The following OSBPL6 variants were observed in gnomAD, a reference collection of about 807,000 sequenced individuals.
OSBPL6 encodes oxysterol-binding protein-related protein 6.
A neutral mutation model predicts 125.8 loss-of-function variants in OSBPL6; 49 were observed. The ratio of observed to expected loss-of-function variants is 0.39; its 90% CI spans 0.31 to 0.49. The LOEUF is 0.49. Ranked by LOEUF, OSBPL6 falls within the 20% of genes least tolerant of loss-of-function variation. The pLI, the probability that OSBPL6 is intolerant of heterozygous loss-of-function variation, is 0.88. For synonymous variants in OSBPL6, 394 were observed against 391.8 expected, an observed-to-expected ratio of 1.01 and a Z score of -0.07; for missense variants, 986 against 1,135.4, an observed-to-expected ratio of 0.87 and a Z score of 1.89.
At position 178,320,931 on chromosome 2, in the gene OSBPL6, G is replaced by A. The variant is rs576876837; in HGVS notation, c.103-3246G>A. On this transcript the variant is annotated intron_variant, in intron 3 of 24. Coordinates refer to ENST00000190611, the MANE Select transcript of OSBPL6 (RefSeq NM_032523.4). ...TCTCAGCACTTTGGGAGGCCGAGGC[G>A]GGTGGATCACAAAGTCAAGAGATCG... Among the ~76,000 whole-genome samples, 183 of 152,244 alleles carry A rather than the reference G, an allele frequency of 1.2e-3. 1 individual carries two copies. The highest frequency in any genetic ancestry group is 4.4e-3 in the African/African-American group (181 of 41,548).
Position 178,389,023 on chromosome 2 carries a change from A to T in OSBPL6, c.2171A>T (p.Tyr724Phe). The T allele has an allele frequency of 1.2e-6, 2 of 1,613,900 alleles. No homozygotes were observed. Among genetic ancestry groups the T allele is most frequent in the Non-Finnish European group, 1.7e-6 (2 of 1,179,950 alleles). ...NVMLPKYGDY[Y>F]VWNKVTTCIH... The stretch of plus-strand genomic sequence containing the variant: ...TTCTTCACTAGGTATGGAGATTACT[A>T]TGTGTGGAATAAAGTCACCACTTGC... Residue 724 changes from tyrosine (Y) to phenylalanine (F), a missense_variant, in exon 21 of 25, where the codon TAT becomes TTT. By Grantham distance (22) the Tyr-to-Phe change is conservative (BLOSUM62 3). This residue lies in a region of OSBPL6 where 843 missense variants were observed against 997.3 expected (regional missense o/e 0.85). Transcript: ENST00000190611.
chr2:178,328,474 T>C, intron 5 of OSBPL6, 96 bp downstream of exon 5: 1 of 1,473,194 alleles, frequency 6.8e-7, no homozygotes, highest in Non-Finnish European at 9.1e-7. Context: ...TATGGCAGTA[T>C]GTGTAAAACT....
At chr2:178,250,958 TA>T (rs74763068) in intron 1 of OSBPL6, among the ~76,000 whole-genome samples, 387 of 135,322 alleles carry the variant, frequency 2.9e-3, no homozygotes, top group South Asian at 4.4e-3. Flanking sequence ...AATATTGGAA[TA>T]AAAAAAAAAA....
intron 1 of OSBPL6, among the ~76,000 whole-genome samples, chr2:178,282,497 G>A (rs189353382): frequency 8.4e-4 from 128 of 152,280 alleles, no homozygotes; most frequent in Non-Finnish European, 8.7e-4. Flanking sequence ...ACAGAGGAAC[G>A]GGGGTGAATG....
At chr2:178,366,356 C>T (rs182138853) in intron 13 of OSBPL6, among the ~76,000 whole-genome samples, 4 of 152,276 alleles carry the variant, frequency 2.6e-5, no homozygotes, top group African/African-American at 7.2e-5. Flanking sequence ...TGATTCCTGG[C>T]CCCAGAAATT....
chr2:178,379,311 C>A (rs1292192252), intron 15 of OSBPL6, among the ~76,000 whole-genome samples: 22 of 100,172 alleles, frequency 2.2e-4, no homozygotes, highest in Non-Finnish European at 3.2e-4. Context: ...AAGAAAGAAA[C>A]AGGAAGGAAG....
Position 178,361,749 on chromosome 2 carries a change from T to C in OSBPL6, c.1221T>C (p.Val407=). The C allele has an allele frequency of 6.2e-7, 1 of 1,614,166 alleles. No individual in the cohort carries two copies. Among genetic ancestry groups the C allele is most frequent in the Non-Finnish European group, 8.5e-7 (1 of 1,180,014 alleles). ...AGAAGGAGAAGCTGAAGCAGATGGT[T>C]TCCGAGCAGGATCACAGTAAAGGCC... ...AIEKEKLKQM[V]SEQDHSKGHS... is the part of the protein sequence containing the mutation. Residue 407 remains valine (V), a synonymous_variant, in exon 13 of 25, where the codon GTT becomes GTC. Transcript: ENST00000190611.
At position 178,333,146 on chromosome 2, in the gene OSBPL6, G is replaced by A. The variant is rs1040380552; in HGVS notation, c.657+105G>A. 38 of 1,262,618 alleles carry A rather than the reference G, an allele frequency of 3.0e-5. 1 individual carries two copies. The African/African-American group carries it at 3.5e-4, about 12-fold the overall frequency. The allele number at this position is 1,262,618 out of a possible 1,614,324, so 78.2% of individuals were successfully genotyped here. A position where few individuals can be genotyped will look rare whatever the true frequency, so the allele number is the denominator to read the frequency against. ...GTGTGTAATCCCAGCACTTTGGGAG[G>A]CCAAGGCGGGTGGATCGCCTGACAG... is the stretch of plus-strand genomic sequence containing the variant. On this transcript the variant is annotated intron_variant, in intron 8 of 24. Transcript: ENST00000190611.
intron 1 of OSBPL6, among the ~76,000 whole-genome samples, chr2:178,242,691 G>A (rs1207054245): frequency 1.3e-5 from 2 of 152,184 alleles, no homozygotes; most frequent in African/African-American, 4.8e-5. Flanking sequence ...ATCAATGGTT[G>A]ATGCAGTGAT....
chr2:178,257,601 T>C (rs968376797), intron 1 of OSBPL6, among the ~76,000 whole-genome samples: 1 of 152,226 alleles, frequency 6.6e-6, no homozygotes, highest in Non-Finnish European at 1.5e-5. Context: ...GTTTAGAAAT[T>C]ACTTTTATAT....
chr2:178,395,960 C>A lies in OSBPL6; in HGVS notation c.*401C>A. 2.8e-6 allele frequency: 1 copy of A among 362,654 alleles called. No homozygotes were observed. The allele number at this position is 362,654 out of a possible 1,614,324, so 22.5% of individuals were successfully genotyped here. On this transcript the variant is annotated 3_prime_UTR_variant, in exon 25 of 25. Transcript: ENST00000190611. ...ACGATTGTTCCACTGTCTGGAAGCACCATCCCCTATCGCAGGACTCCTGGG... is the reference window on the plus strand; with the variant it reads ...ACGATTGTTCCACTGTCTGGAAGCAACATCCCCTATCGCAGGACTCCTGGG...
chr2:178,383,263 C>A lies in OSBPL6; in HGVS notation c.1861C>A (p.Pro621Thr), dbSNP rs757870495. ...LLDKASETDD[P>T]YERMVLVAAF... ...GGACAAGGCTTCGGAAACTGATGAT[C>A]CATATGAGCGCATGGTAATAAATAA... Residue 621 changes from proline (P) to threonine (T), a missense_variant, in exon 17 of 25, where the codon CCA (proline) becomes ACA (threonine). This residue lies in a region of OSBPL6 where 843 missense variants were observed against 997.3 expected (regional missense o/e 0.85). Coordinates refer to ENST00000190611, the MANE Select transcript of OSBPL6 (RefSeq NM_032523.4). 1.2e-6 allele frequency: 2 copies of A among 1,613,966 alleles called. No homozygotes were observed. The highest frequency in any genetic ancestry group is 2.7e-5 in the African/African-American group (2 of 74,944).
At chr2:178,306,587 C>T (rs1024153319) in intron 3 of OSBPL6, among the ~76,000 whole-genome samples, 1 of 152,144 alleles carries the variant, frequency 6.6e-6, no homozygotes, top group Non-Finnish European at 1.5e-5. Context: ...CTTGAACACT[C>T]TTCTCTTCGT....
intron 1 of OSBPL6, among the ~76,000 whole-genome samples, chr2:178,196,282 A>T (rs1258109281): frequency 6.6e-6 from 1 of 152,112 alleles, no homozygotes; most frequent in African/African-American, 2.4e-5. Flanking sequence ...ATTCTTTTGC[A>T]GTAGGAGTTC....
At position 178,273,360 on chromosome 2, in the gene OSBPL6, A is replaced by C. The variant is rs543585734; in HGVS notation, c.-350-11567A>C. On this transcript the variant is annotated intron_variant, in intron 1 of 24. Transcript: ENST00000190611. ...TCCCAACACTTTGGGAGGCCAAGGC[A>C]GGTGAATCACTTGAGCTTCACAGTT... Among the ~76,000 whole-genome samples the C allele has an allele frequency of 5.3e-5, 8 of 152,284 alleles. No individual in the cohort carries two copies. In the South Asian group the frequency reaches 1.7e-3, roughly 32 times the overall value.
At chr2:178,246,478 G>T (rs774171086) in intron 1 of OSBPL6, among the ~76,000 whole-genome samples, 1 of 152,094 alleles carries the variant, frequency 6.6e-6, no homozygotes, top group African/African-American at 2.4e-5. Context: ...TGAGAACTGA[G>T]TTACCAGGGG....
intron 18 of OSBPL6, 143 bp downstream of exon 18, chr2:178,384,319 T>C: frequency 8.7e-7 from 1 of 1,153,726 alleles, no homozygotes; most frequent in Non-Finnish European, 1.2e-6. Flanking sequence ...TCTTAATCAG[T>C]TTAGAAAGTT....
upstream of OSBPL6, chr2:178,194,461 G>C (rs567435702): frequency 6.6e-6 from 1 of 151,924 alleles, no homozygotes; most frequent in Non-Finnish European, 1.5e-5. Flanking sequence ...GGAGAGGAGG[G>C]GCTGCAGCGC....
chr2:178,268,418 A>G (rs1158035196), intron 1 of OSBPL6, among the ~76,000 whole-genome samples: 1 of 150,828 alleles, frequency 6.6e-6, no homozygotes, highest in African/African-American at 2.4e-5. Context: ...ATTATAGTAA[A>G]GTACACACAT....
Sources: allele counts gnomAD v4.1 joint callset (sites outside exome capture counted in the v4.1 genomes callset), GRCh38; gene constraint gnomAD v4.1.1; regional missense constraint gnomAD v4.1.1; transcripts MANE v1.5; gene names NCBI Gene and HGNC (gene_info 2026-07-23, HGNC 2026-07-21).